PSMG2: variants seen among roughly 807,000 people sequenced by gnomAD.
PSMG2 encodes the protein CD40 ligand-activated specific transcript 3.
A neutral mutation model predicts 31.5 loss-of-function variants in PSMG2; 21 were observed. The ratio of observed to expected loss-of-function variants is 0.67; its 90% CI spans 0.47 to 0.96. The LOEUF (loss-of-function observed/expected upper bound fraction) is 0.96, where lower values mean the gene tolerates loss of function less well. Among genes scored for constraint, PSMG2 ranks in the 40% least tolerant of loss-of-function variants. The probability of loss-of-function intolerance (pLI) is 0.00; values close to 1 mark genes in which losing one functional copy is unlikely to be tolerated. For synonymous variants in PSMG2, 120 were observed against 110.4 expected (o/e 1.09, Z -0.54); for missense variants, 318 against 321.2 (o/e 0.99, Z 0.08).
chr18:12,712,782 T>C (rs756365248), intron 3 of PSMG2, 22 bp downstream of exon 3: 12 of 1,556,340 alleles, frequency 7.7e-6, no homozygotes, highest in Non-Finnish European at 9.7e-6. Flanking sequence ...GTAGTTTGCC[T>C]TTTTGTTTAT....
chr18:12,724,583 G>A lies in PSMG2; in HGVS notation c.666G>A (p.Glu222=), dbSNP rs769663576. Residue 222 remains glutamate (E), a synonymous_variant, in exon 6 of 7, where the codon GAG becomes GAA. Transcript: ENST00000317615. ...TCCCAGATGCATTAGGTCTTGTTGAGTATCTTAATGAGTGGCTTCAGATAC... is the reference window on the plus strand; with the variant it reads ...TCCCAGATGCATTAGGTCTTGTTGAATATCTTAATGAGTGGCTTCAGATAC... ...DNIPDALGLV[E]YLNEWLQILK... is the part of the protein sequence containing the mutation. 3.1e-6 allele frequency: 5 copies of A among 1,609,766 alleles called. No homozygotes were observed. The highest frequency in any genetic ancestry group is 4.5e-5 in the East Asian group (2 of 44,668).
upstream of PSMG2, chr18:12,700,295 T>C (rs2040107165): frequency 6.4e-6 from 1 of 155,380 alleles, no homozygotes; most frequent in African/African-American, 2.4e-5. Flanking sequence ...TCAATTTTTA[T>C]AACAAACGGG....
Position 12,725,443 on chromosome 18 carries a change from A to G in PSMG2, c.707A>G (p.Asp236Gly). Reference protein sequence around the residue: ...EWLQILKPLSDDPTVSASRWK... With the variant: ...EWLQILKPLSGDPTVSASRWK... ...TATTTTGTTCTTCAATTACAGAGCG[A>G]TGACCCCACAGTATCTGCCTCACGG... The change falls in exon 7 of 7, where the codon GAT becomes GGT. Residue 236 changes from aspartate (D) to glycine (G), a missense_variant. Physicochemically the swap from Asp to Gly is moderately conservative, Grantham distance 94 (BLOSUM62 -1). Transcript: ENST00000317615. 1.3e-6 allele frequency: 2 copies of G among 1,583,980 alleles called. No individual in the cohort carries two copies. Among genetic ancestry groups the G allele is most frequent in the South Asian group, 2.2e-5 (2 of 89,860 alleles).
intron 1 of PSMG2, among the ~76,000 whole-genome samples, chr18:12,671,451 AACTT>A (rs1317502338): frequency 6.6e-6 from 1 of 152,058 alleles, no homozygotes; most frequent in East Asian, 1.9e-4. Context: ...AAAAATAAAA[AACTT>A]AAAAAAAATG....
chr18:12,677,033 A>G lies in PSMG2; in HGVS notation c.-37+18260A>G, dbSNP rs142975223. Among the ~76,000 whole-genome samples, 1,242 of 152,300 alleles carry G rather than the reference A, an allele frequency of 8.2e-3. 14 individuals carry two copies. The highest frequency in any genetic ancestry group is 0.028 in the African/African-American group (1,180 of 41,556). On this transcript the variant is annotated intron_variant, in intron 1 of 6. Coordinates refer to the PSMG2 transcript ENST00000585331. ...CAACTTTTCCCACCCCACAGCTTCA[A>G]TCTCTTAATGTCTTCTCTTGATGAG...
chr18:12,694,129 T>C (rs1314914019), intron 1 of PSMG2, among the ~76,000 whole-genome samples: 1 of 152,194 alleles, frequency 6.6e-6, no homozygotes. Context: ...AACATCAAAG[T>C]TGGTTCTCAC....
chr18:12,719,083 T>C (rs1286076494), intron 4 of PSMG2, among the ~76,000 whole-genome samples: 1 of 152,190 alleles, frequency 6.6e-6, no homozygotes, highest in African/African-American at 2.4e-5. Flanking sequence ...TAAAAAACAT[T>C]TACTTTTTGT....
chr18:12,717,105 A>G (rs1480821920), intron 3 of PSMG2, among the ~76,000 whole-genome samples: 1 of 150,248 alleles, frequency 6.7e-6, no homozygotes, highest in Non-Finnish European at 1.5e-5. Context: ...GTGCACTACC[A>G]TGTGTAATAA....
intron 2 of PSMG2, among the ~76,000 whole-genome samples, chr18:12,709,889 G>C (rs1311945962): frequency 2.6e-5 from 4 of 151,672 alleles, no homozygotes; most frequent in African/African-American, 9.7e-5. Context: ...ACCCGCCTCA[G>C]CCTCCCAAAG....
chr18:12,721,609 CTT>C (rs2040431224), intron 5 of PSMG2, among the ~76,000 whole-genome samples: 1 of 151,786 alleles, frequency 6.6e-6, no homozygotes, highest in African/African-American at 2.4e-5. Context: ...TAATTTGAGT[CTT>C]TTCTTTTTTT....
Position 12,725,599 on chromosome 18 carries a change from C to A in PSMG2, c.*68C>A. 2 of 1,209,124 alleles carry A rather than the reference C, an allele frequency of 1.7e-6. No individual in the cohort carries two copies. The highest frequency in any genetic ancestry group is 2.3e-6 in the Non-Finnish European group (2 of 863,324). 74.9% of individuals were successfully genotyped at this position (1,209,124 alleles called of 1,614,324 possible). A position where few individuals can be genotyped will look rare whatever the true frequency, so the allele number is the denominator to read the frequency against. ...CAACACAGCTGTTAAACATTCTATA[C>A]AAAAAAATTGTATGATCTGGTATTA... On this transcript the variant is annotated 3_prime_UTR_variant, in exon 7 of 7. Coordinates refer to ENST00000317615, the MANE Select transcript of PSMG2 (RefSeq NM_020232.5).
chr18:12,705,574 A>AGTGTGTGTGTGTGTGTGT (rs1222721405), intron 1 of PSMG2, among the ~76,000 whole-genome samples: 9 of 135,718 alleles, frequency 6.6e-5, no homozygotes, highest in African/African-American at 2.2e-4. Flanking sequence ...AGAGAGAGAG[A>AGTGTGTGTGTGTGTGTGT]GAGTGTGTGT....
At position 12,668,961 on chromosome 18, in the gene PSMG2, G is replaced by C. The variant is rs1478106751; in HGVS notation, c.-37+10188G>C. 2.7e-5 allele frequency among the ~76,000 whole-genome samples: 4 copies of C among 146,298 alleles called. No individual in the cohort carries two copies. The Admixed American group carries it at 2.8e-4, about 10-fold the overall frequency. On this transcript the variant is annotated intron_variant, in intron 1 of 6. Coordinates refer to the PSMG2 transcript ENST00000585331. ...TCATCAAGTTGGCCAGGCTGGTCTT[G>C]AACTCCTGATCCAGGTGATCTGCCT...
chr18:12,659,419 G>A (rs1461293214), intron 1 of PSMG2, among the ~76,000 whole-genome samples: 1 of 152,180 alleles, frequency 6.6e-6, no homozygotes, highest in Non-Finnish European at 1.5e-5. Flanking sequence ...TGTAATCCCA[G>A]CACTTTGGGA....
chr18:12,702,756 C>G (rs574117627), upstream of PSMG2: 414 of 594,498 alleles, frequency 7.0e-4, no homozygotes, highest in Non-Finnish European at 1.0e-3. Flanking sequence ...CAACTGTTTT[C>G]AAACAGTGGC....
chr18:12,676,221 AG>A (rs2039124711), intron 1 of PSMG2, among the ~76,000 whole-genome samples: 1 of 151,106 alleles, frequency 6.6e-6, no homozygotes, highest in Admixed American at 6.6e-5. Flanking sequence ...TAACTTAAAT[AG>A]TGATCAACAC....
Position 12,715,729 on chromosome 18 carries a change from C to T in PSMG2, c.289-2788C>T, listed in dbSNP as rs143386444. On this transcript the variant is annotated intron_variant, in intron 3 of 6. Transcript: ENST00000317615. ...CCATGTTGGCTAGGCTGGTCTCACA[C>T]TCCTGACCTTAGGTGATCTGCCCAC... Among the ~76,000 whole-genome samples the T allele has an allele frequency of 3.9e-4, 60 of 152,304 alleles. No individual in the cohort carries two copies. In the East Asian group the frequency reaches 0.011, roughly 28 times the overall value.
rs749477887 is a variant in PSMG2 at position 12,720,652 on chromosome 18, G to A, written c.550G>A (p.Gly184Arg). 107 of 1,612,610 alleles carry A rather than the reference G, an allele frequency of 6.6e-5. No individual in the cohort carries two copies. Among genetic ancestry groups the A allele is most frequent in the Non-Finnish European group, 8.2e-5 (97 of 1,179,720 alleles). Reference protein sequence around the residue: ...DSEFCIRIPGGGITKTLYDES... With the variant: ...DSEFCIRIPGRGITKTLYDES... Reference sequence around the variant, plus strand: ...CGAGTTTTGTATCCGCATTCCGGGAGGAGGTATCACAAAAACACTCTATGA... The same window carrying A: ...CGAGTTTTGTATCCGCATTCCGGGAAGAGGTATCACAAAAACACTCTATGA... The change falls in exon 5 of 7, where the codon GGA (glycine) becomes AGA (arginine). Residue 184 changes from glycine (G) to arginine (R), a missense_variant. Gly to Arg is a moderately radical substitution (Grantham distance 125). Transcript: ENST00000317615.
At chr18:12,676,596 T>C (rs1226366684) in intron 1 of PSMG2, among the ~76,000 whole-genome samples, 1 of 152,046 alleles carries the variant, frequency 6.6e-6, no homozygotes, top group Non-Finnish European at 1.5e-5. Flanking sequence ...TTATAAGATA[T>C]TGCTTTTATT....
Sources: allele counts gnomAD v4.1 joint callset (sites outside exome capture counted in the v4.1 genomes callset), GRCh38; gene constraint gnomAD v4.1.1; transcripts MANE v1.5; gene names NCBI Gene and HGNC (gene_info 2026-07-23, HGNC 2026-07-21).